HCRTR2: variants seen among roughly 807,000 people sequenced by gnomAD.
The protein encoded by HCRTR2 is hypocretin receptor 2.
A neutral mutation model predicts 49.0 loss-of-function variants in HCRTR2; 22 were observed. The observed-to-expected ratio is 0.45, with a 90% CI of 0.32 to 0.64. The LOEUF (loss-of-function observed/expected upper bound fraction) is 0.64, where lower values mean the gene tolerates loss of function less well. Among genes scored for constraint, HCRTR2 ranks in the 30% least tolerant of loss-of-function variants. The pLI, the probability that HCRTR2 is intolerant of heterozygous loss-of-function variation, is 0.04. For synonymous variants in HCRTR2, 236 were observed against 205.3 expected, an observed-to-expected ratio of 1.15 and a Z score of -1.28; for missense variants, 491 against 559.4, an observed-to-expected ratio of 0.88 and a Z score of 1.23.
intron 1 of HCRTR2, among the ~76,000 whole-genome samples, chr6:55,194,598 T>C (rs1260090717): frequency 6.6e-6 from 1 of 152,152 alleles, no homozygotes; most frequent in African/African-American, 2.4e-5. Flanking sequence ...ATCAATACTA[T>C]GGTACTCCAA....
intron 3 of HCRTR2, among the ~76,000 whole-genome samples, chr6:55,259,651 T>C (rs1489880952): frequency 7.2e-6 from 1 of 138,032 alleles, no homozygotes; most frequent in Non-Finnish European, 1.6e-5. Flanking sequence ...CCTTATTAGT[T>C]AGTTTCATAT....
At chr6:55,255,104 T>C (rs1766624324) in intron 2 of HCRTR2, 32 bp from the exon 3 acceptor site, 1 of 1,612,356 alleles carries the variant, frequency 6.2e-7, no homozygotes, top group African/African-American at 1.3e-5. Flanking sequence ...CAGCTGGTGC[T>C]TCTCTATTAC....
intron 1 of HCRTR2, among the ~76,000 whole-genome samples, chr6:55,181,071 G>C (rs1048963537): frequency 1.3e-5 from 2 of 151,590 alleles, no homozygotes; most frequent in African/African-American, 4.9e-5. Context: ...CTCCCAAAAT[G>C]CTGGGATTGC....
intron 1 of HCRTR2, among the ~76,000 whole-genome samples, chr6:55,189,523 A>C (rs889571445): frequency 2.0e-5 from 3 of 152,236 alleles, no homozygotes; most frequent in African/African-American, 7.2e-5. Flanking sequence ...GGCTCTCCTC[A>C]GCAAACTAAC....
chr6:55,192,857 G>A (rs1765344119), intron 1 of HCRTR2, among the ~76,000 whole-genome samples: 1 of 152,112 alleles, frequency 6.6e-6, no homozygotes, highest in Non-Finnish European at 1.5e-5. Flanking sequence ...ATGAGTATGA[G>A]GAAACAGTAT....
intron 4 of HCRTR2, among the ~76,000 whole-genome samples, chr6:55,265,820 C>T (rs1462694974): frequency 6.6e-6 from 1 of 152,058 alleles, no homozygotes; most frequent in East Asian, 1.9e-4. Flanking sequence ...TTGTGACTCC[C>T]TTTATTAACT....
chr6:55,279,765 T>G, intron 5 of HCRTR2, among the ~76,000 whole-genome samples: 1 of 152,108 alleles, frequency 6.6e-6, no homozygotes, highest in Non-Finnish European at 1.5e-5. Flanking sequence ...CATGAAAAAT[T>G]AACACTCATT....
chr6:55,271,664 A>G (rs1001926411), intron 4 of HCRTR2, among the ~76,000 whole-genome samples: 2 of 152,186 alleles, frequency 1.3e-5, no homozygotes, highest in African/African-American at 4.8e-5. Context: ...AGAATATACA[A>G]AGAACTCTTA....
At chr6:55,174,988 CG>C (rs1765014460) in intron 1 of HCRTR2, among the ~76,000 whole-genome samples, 178 bp downstream of exon 1, 1 of 152,094 alleles carries the variant, frequency 6.6e-6, no homozygotes, top group African/African-American at 2.4e-5. Context: ...TTTTCCGAAC[CG>C]GGACCGAGCC....
chr6:55,173,495 C>T (rs866007701), upstream of HCRTR2, among the ~76,000 whole-genome samples: 19 of 152,220 alleles, frequency 1.2e-4, no homozygotes, highest in African/African-American at 4.3e-4. Context: ...CTGACAAATG[C>T]TAGAATACTT....
chr6:55,277,640 T>A, intron 5 of HCRTR2, 40 bp downstream of exon 5: 1 of 1,434,564 alleles, frequency 7.0e-7, no homozygotes, highest in Non-Finnish European at 9.8e-7. Context: ...ATAGCCTGCC[T>A]TTTCTTGATT....
intron 1 of HCRTR2, among the ~76,000 whole-genome samples, chr6:55,187,435 A>T (rs370895976): frequency 2.4e-5 from 2 of 83,416 alleles, no homozygotes; most frequent in African/African-American, 9.2e-5. Flanking sequence ...AAAAAAAAAA[A>T]AAAAAAAAAA....
At chr6:55,106,824 C>T (rs1763981393) in intron 1 of HCRTR2, among the ~76,000 whole-genome samples, 1 of 152,100 alleles carries the variant, frequency 6.6e-6, no homozygotes. Flanking sequence ...TTATTTTATA[C>T]AAATCTTTTG....
chr6:55,240,691 G>T, intron 1 of HCRTR2: 2 of 303,204 alleles, frequency 6.6e-6, no homozygotes, highest in Non-Finnish European at 1.3e-5. Flanking sequence ...AGGATTTGGT[G>T]GAGAGTTTGT....
chr6:55,163,305 C>A (rs1018351589), intron 1 of HCRTR2, among the ~76,000 whole-genome samples: 3 of 151,692 alleles, frequency 2.0e-5, no homozygotes, highest in African/African-American at 7.3e-5. Flanking sequence ...TAAAAAAGAG[C>A]CCATATAGCC....
chr6:55,132,071 A>T (rs1039182106), intron 1 of HCRTR2, among the ~76,000 whole-genome samples: 1 of 151,848 alleles, frequency 6.6e-6, no homozygotes, highest in African/African-American at 2.4e-5. Flanking sequence ...TTCTAAACAT[A>T]TATAGATATC....
At chr6:55,230,449 C>A (rs1766092802) in intron 1 of HCRTR2, among the ~76,000 whole-genome samples, 1 of 152,146 alleles carries the variant, frequency 6.6e-6, no homozygotes, top group Non-Finnish European at 1.5e-5. Flanking sequence ...TTGCTTAACA[C>A]TTTAAAATGT....
chr6:55,226,970 T>C (rs1766020841), intron 1 of HCRTR2, among the ~76,000 whole-genome samples: 1 of 152,108 alleles, frequency 6.6e-6, no homozygotes, highest in Non-Finnish European at 1.5e-5. Flanking sequence ...AAAGTAACTT[T>C]TCTTATTTCA....
At chr6:55,141,728 C>A (rs562940687) in intron 1 of HCRTR2, among the ~76,000 whole-genome samples, 1 of 151,968 alleles carries the variant, frequency 6.6e-6, no homozygotes. Flanking sequence ...AACAATACAA[C>A]TGGACAGAAT....
Sources: allele counts gnomAD v4.1 joint callset (sites outside exome capture counted in the v4.1 genomes callset), GRCh38; gene constraint gnomAD v4.1.1; transcripts MANE v1.5; gene names NCBI Gene and HGNC (gene_info 2026-07-23, HGNC 2026-07-21).